The following HACD3 variants were observed in gnomAD, a reference collection of about 807,000 sequenced individuals.
HACD3 encodes the protein 3-hydroxyacyl-CoA dehydratase 3, also known as very-long-chain (3R)-3-hydroxyacyl-CoA dehydratase 3.
HACD3 carries 30 observed loss-of-function variants against 55.2 expected under a neutral mutation model. The observed-to-expected ratio is 0.54, with a 90% confidence interval of 0.41 to 0.74. The LOEUF (loss-of-function observed/expected upper bound fraction) is 0.74. HACD3 is among the 30% of genes least tolerant of loss of function. The pLI is 0.00. For missense variants in HACD3, 363 were observed against 440.1 expected (o/e 0.82, Z 1.57); for synonymous variants, 141 against 151.7 (o/e 0.93, Z 0.52).
At chr15:65,566,454 C>T (rs1356979271) in intron 7 of HACD3, 8 of 161,404 alleles carry the variant, frequency 5.0e-5, no homozygotes, top group Non-Finnish European at 7.9e-5. Flanking sequence ...TGGTGCAGGG[C>T]AAAAGGCACT....
rs886553361 is a variant in HACD3 at position 65,530,472 on chromosome 15, C to T, written c.-160C>T. The T allele has an allele frequency of 7.4e-6, 4 of 536,942 alleles. No individual in the cohort carries two copies. Among genetic ancestry groups the T allele is most frequent in the African/African-American group, 6.0e-5 (3 of 50,044 alleles). The allele number at this position is 536,942 out of a possible 1,614,324, so 33.3% of individuals were successfully genotyped here. A position where few individuals can be genotyped will look rare whatever the true frequency, so the allele number is the denominator to read the frequency against. On this transcript the variant is annotated 5_prime_UTR_variant, in exon 1 of 11. Transcript: ENST00000261875. ...GCCGCCATCCCGGCGCGTCACTGCG[C>T]AGGCGCGGCCCGCGAGCGTGGGGTA...
chr15:65,576,196 T>G, intron 10 of HACD3, 107 bp from the exon 11 acceptor site: 1 of 1,491,566 alleles, frequency 6.7e-7, no homozygotes, highest in Non-Finnish European at 8.9e-7. Flanking sequence ...GCAATAAGCT[T>G]TTTGCTGTGG....
At chr15:65,534,362 G>A (rs2071933820) in intron 1 of HACD3, 1 of 152,260 alleles carries the variant, frequency 6.6e-6, no homozygotes, top group African/African-American at 2.4e-5. Flanking sequence ...TAGTGACTAT[G>A]AGAGAACACG....
intron 1 of HACD3, among the ~76,000 whole-genome samples, chr15:65,542,829 A>G (rs1395247960): frequency 6.6e-6 from 1 of 152,078 alleles, no homozygotes; most frequent in Admixed American, 6.5e-5. Flanking sequence ...TAATCTCAGC[A>G]CTTTGGGAGG....
chr15:65,545,962 C>G (rs1023575860), intron 1 of HACD3, among the ~76,000 whole-genome samples: 2 of 152,258 alleles, frequency 1.3e-5, no homozygotes, highest in Non-Finnish European at 2.9e-5. Context: ...CTCTCTTAGA[C>G]CACTTGCTCT....
chr15:65,562,589 T>A (rs966932995), intron 5 of HACD3, among the ~76,000 whole-genome samples, 185 bp from the exon 6 acceptor site: 5 of 152,126 alleles, frequency 3.3e-5, no homozygotes, highest in African/African-American at 1.2e-4. Flanking sequence ...AGAGCAATGT[T>A]CCTTGTATGT....
At chr15:65,555,305 C>T (rs118140754) in intron 3 of HACD3, among the ~76,000 whole-genome samples, 3 of 152,294 alleles carry the variant, frequency 2.0e-5, no homozygotes, top group Non-Finnish European at 4.4e-5. Context: ...GAATATGGCA[C>T]CCATTGAGAA....
chr15:65,537,987 A>G (rs1163045670), intron 1 of HACD3, among the ~76,000 whole-genome samples: 4 of 111,844 alleles, frequency 3.6e-5, no homozygotes, highest in African/African-American at 1.4e-4. Context: ...ATATATATAT[A>G]TATATATATA....
At chr15:65,535,173 CTATCTT>C (rs1285135449) in intron 1 of HACD3, among the ~76,000 whole-genome samples, 3 of 152,220 alleles carry the variant, frequency 2.0e-5, no homozygotes, top group South Asian at 2.1e-4. Flanking sequence ...ATATAGGAGA[CTATCTT>C]TATAATATTG....
intron 6 of HACD3, among the ~76,000 whole-genome samples, 163 bp from the exon 7 acceptor site, chr15:65,564,052 G>T (rs1230173078): frequency 1.3e-5 from 2 of 152,032 alleles, no homozygotes; most frequent in African/African-American, 4.8e-5. Flanking sequence ...GACCCCATTG[G>T]CCTGCACCCT....
chr15:65,533,911 G>A (rs2071928478), intron 1 of HACD3, among the ~76,000 whole-genome samples: 1 of 151,900 alleles, frequency 6.6e-6, no homozygotes, highest in South Asian at 2.1e-4. Flanking sequence ...AATTAGCCAG[G>A]CGTGGTGGCG....
chr15:65,564,353 G>T lies in HACD3; in HGVS notation c.660+11G>T, dbSNP rs991130071. Reference sequence around the variant, plus strand: ...CCTTCTCTGATCCAGGTATTGAATAGTTAAGCTGAAGGGTGGGTAATGGAA... The same window carrying T: ...CCTTCTCTGATCCAGGTATTGAATATTTAAGCTGAAGGGTGGGTAATGGAA... On this transcript the variant is annotated intron_variant, in intron 7 of 10. Coordinates refer to ENST00000261875, the MANE Select transcript of HACD3 (RefSeq NM_016395.4). 2.5e-6 allele frequency: 4 copies of T among 1,610,406 alleles called. No homozygotes were observed. In the African/African-American group the frequency reaches 4.0e-5, roughly 16 times the overall value.
At chr15:65,541,132 A>G (rs1377669886) in intron 1 of HACD3, among the ~76,000 whole-genome samples, 3 of 152,214 alleles carry the variant, frequency 2.0e-5, no homozygotes, top group African/African-American at 7.2e-5. Flanking sequence ...TGTTATAAAC[A>G]ATTTCCATGT....
At chr15:65,559,835 C>A (rs1308830236) in intron 5 of HACD3, among the ~76,000 whole-genome samples, 1 of 152,006 alleles carries the variant, frequency 6.6e-6, no homozygotes, top group Non-Finnish European at 1.5e-5. Flanking sequence ...GGATAAACTT[C>A]AAAAATAGAT....
intron 8 of HACD3, among the ~76,000 whole-genome samples, chr15:65,570,797 G>GA (rs2141225424): frequency 6.6e-6 from 1 of 152,248 alleles, no homozygotes; most frequent in South Asian, 2.1e-4. Context: ...TTTTGCAAAT[G>GA]AACTTCTCAG....
chr15:65,567,950 T>G (rs2072309080), intron 7 of HACD3, among the ~76,000 whole-genome samples: 2 of 149,522 alleles, frequency 1.3e-5, no homozygotes, highest in East Asian at 1.9e-4. Flanking sequence ...TTTTTGAGAG[T>G]CTCGCCCTGT....
At chr15:65,561,456 A>G (rs1397261852) in intron 5 of HACD3, among the ~76,000 whole-genome samples, 9 of 150,594 alleles carry the variant, frequency 6.0e-5, no homozygotes, top group Non-Finnish European at 1.3e-4. Flanking sequence ...ACAGAGCAAG[A>G]CTCTGTCTCA....
chr15:65,534,346 C>G (rs1392988574), intron 1 of HACD3: 2 of 152,186 alleles, frequency 1.3e-5, no homozygotes, highest in Non-Finnish European at 2.9e-5. Context: ...TTGGATGCTG[C>G]AGGGCTAGTG....
At chr15:65,565,179 A>C (rs1379062078) in intron 7 of HACD3, 1 of 152,746 alleles carries the variant, frequency 6.5e-6, no homozygotes, top group African/African-American at 2.4e-5. Context: ...GTGACTTTGC[A>C]GGGAGCAGCC....
Sources: allele counts gnomAD v4.1 joint callset (sites outside exome capture counted in the v4.1 genomes callset), GRCh38; gene constraint gnomAD v4.1.1; transcripts MANE v1.5; gene names NCBI Gene and HGNC (gene_info 2026-07-23, HGNC 2026-07-21).